Variants in NDST3 observed in about 807,000 individuals in gnomAD.
NDST3 encodes bifunctional heparan sulfate N-deacetylase/N-sulfotransferase 3.
In NDST3, 58 loss-of-function variants were observed where a neutral mutation model predicts 96.1. That is an observed-to-expected ratio of 0.60 (90% confidence interval 0.49 to 0.75). NDST3 has a LOEUF of 0.75. Ranked by LOEUF, NDST3 falls within the 30% of genes least tolerant of loss-of-function variation. The probability of loss-of-function intolerance (pLI) is 0.00; values close to 1 mark genes in which losing one functional copy is unlikely to be tolerated. For synonymous variants in NDST3, 333 were observed against 359.7 expected (o/e 0.93, Z 0.84); for missense variants, 788 against 1,034.2 (o/e 0.76, Z 3.27).
chr4:118,193,377 C>T, intron 6 of NDST3: 2 of 543,544 alleles, frequency 3.7e-6, no homozygotes, highest in Non-Finnish European at 6.3e-6. Context: ...GGGCAGGCAG[C>T]CACAGGAGTA....
intron 6 of NDST3, among the ~76,000 whole-genome samples, chr4:118,154,657 G>T (rs918285159): frequency 1.3e-5 from 2 of 152,122 alleles, no homozygotes; most frequent in African/African-American, 4.8e-5. Flanking sequence ...GACCAGGAAG[G>T]TTATCTATCA....
rs1275728345 is a variant in NDST3, at chr4:118,054,658, A to T, written c.748A>T (p.Lys250Ter). Residue 250 changes from lysine (K) to a stop codon, truncating the protein, a stop_gained, in exon 2 of 14, where the codon AAA (lysine) becomes TAA (stop). Transcript: ENST00000296499. LOFTEE classifies it high-confidence loss of function. ...TPENLSPSISKGAFYATIIHD... is the reference protein window; with the variant it reads ...TPENLSPSIS The stretch of plus-strand genomic sequence containing the variant: ...AGAAAACCTTTCTCCTTCCATCTCT[A>T]AAGGTGCTTTTTATGCCACTATTAT... 6.2e-7 allele frequency: 1 copy of T among 1,613,138 alleles called. No homozygotes were observed. Among genetic ancestry groups the T allele is most frequent in the Non-Finnish European group, 8.5e-7 (1 of 1,179,468 alleles).
intron 2 of NDST3, among the ~76,000 whole-genome samples, chr4:118,064,393 G>T (rs144070592): frequency 6.6e-6 from 1 of 152,040 alleles, no homozygotes; most frequent in Non-Finnish European, 1.5e-5. Flanking sequence ...CATGAATAAT[G>T]AAACTGGAGA....
chr4:118,153,055 A>C (rs1376515011), intron 6 of NDST3, among the ~76,000 whole-genome samples: 2 of 152,208 alleles, frequency 1.3e-5, no homozygotes, highest in Non-Finnish European at 1.5e-5. Context: ...AAAGGCTTGC[A>C]AAGGCAGGTG....
At chr4:118,055,759 C>G (rs527544229) in intron 2 of NDST3, 17 of 151,866 alleles carry the variant, frequency 1.1e-4, no homozygotes, top group Non-Finnish European at 2.1e-4. Flanking sequence ...AGTTTTTATT[C>G]TACAGTTTTG....
In NDST3 at chr4:118,137,349, C is replaced by CT. The variant is rs943230386; in HGVS notation, c.1225-694dup. On this transcript the variant is annotated intron_variant, in intron 4 of 13. Transcript: ENST00000296499. ...ATTACTGTGTAATTTTCCTCTATGCCTTTTTTTTTTTAACTGGAGTCATTT... is the reference window on the plus strand; with the variant it reads ...ATTACTGTGTAATTTTCCTCTATGCCTTTTTTTTTTTTAACTGGAGTCATTT... Among the ~76,000 whole-genome samples, 45 of 145,482 alleles carry CT rather than the reference C, an allele frequency of 3.1e-4. 1 individual carries two copies. Among genetic ancestry groups the CT allele is most frequent in the African/African-American group, 7.3e-4 (29 of 39,838 alleles).
chr4:118,120,450 G>T (rs990185637), intron 4 of NDST3, among the ~76,000 whole-genome samples: 1 of 152,174 alleles, frequency 6.6e-6, no homozygotes, highest in African/African-American at 2.4e-5. Context: ...ATGCTCTGAG[G>T]TGTAAGAGCT....
chr4:118,053,514 A>G (rs141038611), intron 1 of NDST3, among the ~76,000 whole-genome samples: 3 of 151,860 alleles, frequency 2.0e-5, no homozygotes, highest in African/African-American at 7.2e-5. Flanking sequence ...AATATCATGA[A>G]ATTTTCTGTT....
At chr4:118,201,076 T>C (rs1578805946) in intron 6 of NDST3, among the ~76,000 whole-genome samples, 1 of 152,234 alleles carries the variant, frequency 6.6e-6, no homozygotes, top group South Asian at 2.1e-4. Flanking sequence ...CTGAGGATTA[T>C]GGCCTCCAGC....
intron 6 of NDST3, among the ~76,000 whole-genome samples, chr4:118,205,232 CA>C (rs1560716646): frequency 7.0e-6 from 1 of 143,780 alleles, no homozygotes; most frequent in Non-Finnish European, 1.5e-5. Flanking sequence ...TTGAGATAGA[CA>C]AATAGATACT....
chr4:118,076,102 T>C (rs1250116679), intron 2 of NDST3, among the ~76,000 whole-genome samples: 1 of 152,220 alleles, frequency 6.6e-6, no homozygotes, highest in Admixed American at 6.5e-5. Context: ...TTTTCTTTTC[T>C]TTAAGAATAC....
chr4:118,249,868 A>ATATATATTT (rs1741563729), intron 12 of NDST3, among the ~76,000 whole-genome samples: 2 of 152,176 alleles, frequency 1.3e-5, no homozygotes, highest in African/African-American at 4.8e-5. Context: ...AGTTGTACGT[A>ATATATATTT]CCACCAGAAT....
chr4:118,140,206 A>G (rs1733459289), intron 5 of NDST3, among the ~76,000 whole-genome samples: 1 of 152,192 alleles, frequency 6.6e-6, no homozygotes, highest in Non-Finnish European at 1.5e-5. Flanking sequence ...CTTTCTGGCC[A>G]CTATCTACCT....
chr4:118,190,325 TAA>T (rs919261584), intron 6 of NDST3, among the ~76,000 whole-genome samples: 19 of 152,200 alleles, frequency 1.2e-4, no homozygotes, highest in African/African-American at 3.9e-4. Flanking sequence ...CTGTACAATA[TAA>T]AAAAAGTCAA....
chr4:118,148,820 T>C (rs1257312150), intron 6 of NDST3, among the ~76,000 whole-genome samples: 3 of 152,336 alleles, frequency 2.0e-5, no homozygotes, highest in Admixed American at 6.5e-5. Context: ...CACATTCTAA[T>C]AATAGGAGAC....
At chr4:118,207,282 T>G (rs377463109) in intron 6 of NDST3, among the ~76,000 whole-genome samples, 2 of 143,774 alleles carry the variant, frequency 1.4e-5, no homozygotes, top group East Asian at 3.9e-4. Flanking sequence ...ATTGGAGAGA[T>G]AACTTATTAG....
At chr4:118,094,891 T>G (rs1416716307) in intron 2 of NDST3, among the ~76,000 whole-genome samples, 1 of 151,832 alleles carries the variant, frequency 6.6e-6, no homozygotes, top group Non-Finnish European at 1.5e-5. Flanking sequence ...AATCCAGGTA[T>G]AGCGTGATAG....
chr4:118,219,129 A>T (rs1739379581), intron 6 of NDST3, among the ~76,000 whole-genome samples: 1 of 152,168 alleles, frequency 6.6e-6, no homozygotes, highest in African/African-American at 2.4e-5. Flanking sequence ...TAATTTATAG[A>T]TTCAATGCTA....
intron 6 of NDST3, among the ~76,000 whole-genome samples, chr4:118,203,940 G>T (rs1738262748): frequency 6.6e-6 from 1 of 152,062 alleles, no homozygotes; most frequent in Non-Finnish European, 1.5e-5. Flanking sequence ...ACCAAAGTTT[G>T]CATCCCCTGA....
Sources: gnomAD v4.1 joint callset for allele counts (sites outside exome capture counted in the v4.1 genomes callset) on GRCh38, gnomAD v4.1.1 for gene constraint, MANE v1.5 for transcripts, NCBI Gene and HGNC (gene_info 2026-07-23, HGNC 2026-07-21) for gene names.